VPS13A: variants seen among roughly 807,000 people sequenced by gnomAD.
VPS13A encodes vacuolar protein sorting 13 homolog A.
Under a neutral mutation model 390.9 loss-of-function variants are expected in VPS13A, and 264 were observed. The ratio of observed to expected loss-of-function variants is 0.68; its 90% confidence interval spans 0.61 to 0.75. The LOEUF (loss-of-function observed/expected upper bound fraction) is 0.75. Ranked by LOEUF, VPS13A falls within the 30% of genes least tolerant of loss-of-function variation. The pLI is 0.00. For synonymous variants in VPS13A, 1,231 were observed against 1,227.1 expected (o/e 1.00, Z -0.07); for missense variants, 3,409 against 3,733.9 (o/e 0.91, Z 2.27).
At chr9:77,185,323 G>C (rs988832671) in intron 1 of VPS13A, among the ~76,000 whole-genome samples, 15 of 152,126 alleles carry the variant, frequency 9.9e-5, no homozygotes, top group African/African-American at 3.6e-4. Context: ...TGTATTTTTA[G>C]TAGAGACGGA....
chr9:77,405,851 TTTC>T lies in VPS13A; in HGVS notation c.9276-10_9276-8del, dbSNP rs1383785951. The T allele has an allele frequency of 6.2e-7, 1 of 1,612,824 alleles. No individual in the cohort carries two copies. The highest frequency in any genetic ancestry group is 8.5e-7 in the Non-Finnish European group (1 of 1,179,918). On this transcript the variant is annotated splice_polypyrimidine_tract_variant and intron_variant, in intron 69 of 71. Coordinates refer to ENST00000360280, the MANE Select transcript of VPS13A (RefSeq NM_033305.3). ...TTTTAAAGCGAATTCTTTTTTTGTT[TTTC>T]TTTTTGCAGTGGTGTATTGTTTGTA...
intron 54 of VPS13A, among the ~76,000 whole-genome samples, chr9:77,353,877 A>C (rs1331639430): frequency 6.6e-6 from 1 of 152,090 alleles, no homozygotes; most frequent in Non-Finnish European, 1.5e-5. Context: ...CTTATCTAAA[A>C]AGTTATATTT....
At chr9:77,352,298 A>G (rs1378931675) in intron 53 of VPS13A, among the ~76,000 whole-genome samples, 3 of 152,160 alleles carry the variant, frequency 2.0e-5, no homozygotes, top group East Asian at 1.9e-4. Context: ...TAATCCTTCA[A>G]GATTCATCTT....
chr9:77,210,630 C>A lies in VPS13A; in HGVS notation c.510C>A (p.Asp170Glu). 1 of 1,613,820 alleles carries A rather than the reference C, an allele frequency of 6.2e-7. No individual in the cohort carries two copies. Among genetic ancestry groups the A allele is most frequent in the Non-Finnish European group, 8.5e-7 (1 of 1,179,966 alleles). Residue 170 changes from aspartate (D) to glutamate (E), a missense_variant, in exon 7 of 72, where the codon GAC becomes GAA. By Grantham distance (45) the Asp-to-Glu change is conservative. Coordinates refer to ENST00000360280, the MANE Select transcript of VPS13A (RefSeq NM_033305.3). ...TTCCTCTTTAGATCACAAATCGGGA[C>A]AAACCGCTGTCATTTGGTATTTCCC... ...IRYEDDITNR[D>E]KPLSFGISLQ...
intron 23 of VPS13A, among the ~76,000 whole-genome samples, chr9:77,267,471 G>A (rs1483986973): frequency 4.6e-5 from 7 of 152,192 alleles, no homozygotes. Context: ...TGCAGACCCT[G>A]TTTCCCTGGG....
Position 77,339,942 on chromosome 9 carries a change from T to G in VPS13A, c.6774+31T>G, listed in dbSNP as rs756060788. On this transcript the variant is annotated intron_variant, in intron 48 of 71. Transcript: ENST00000360280. ...CGATGTTTATTCTGTTTTTCCCTTG[T>G]CTTTAGCTACTTGTCACTTTTTAGT... 6.2e-6 allele frequency: 10 copies of G among 1,601,496 alleles called. No individual in the cohort carries two copies. The East Asian group carries it at 2.2e-4, about 36-fold the overall frequency.
intron 42 of VPS13A, among the ~76,000 whole-genome samples, chr9:77,320,778 C>T (rs1434359044): frequency 1.3e-5 from 2 of 151,976 alleles, no homozygotes; most frequent in African/African-American, 4.8e-5. Context: ...TATTGTCTGC[C>T]TTTGTAAGTC....
At position 77,186,873 on chromosome 9, in the gene VPS13A, G is replaced by A. The variant is rs563144035; in HGVS notation, c.100+9069G>A. On this transcript the variant is annotated intron_variant, in intron 1 of 71. Coordinates refer to ENST00000360280, the MANE Select transcript of VPS13A (RefSeq NM_033305.3). ...TCTTGCAAAACTGAACCACTTACCC[G>A]TTAAGCAATGACTACCCATTCCACC... Among the ~76,000 whole-genome samples the A allele has an allele frequency of 5.9e-5, 9 of 152,166 alleles. 1 individual carries two copies. In the South Asian group the frequency reaches 1.2e-3, roughly 21 times the overall value.
chr9:77,410,845 G>A, intron 71 of VPS13A, among the ~76,000 whole-genome samples: 1 of 152,044 alleles, frequency 6.6e-6, no homozygotes, highest in East Asian at 1.9e-4. Context: ...AATAATAATG[G>A]GAGACTTTAA....
intron 69 of VPS13A, among the ~76,000 whole-genome samples, chr9:77,403,874 A>G (rs1471485958): frequency 6.6e-6 from 1 of 152,174 alleles, no homozygotes; most frequent in African/African-American, 2.4e-5. Context: ...CATTAGTAAG[A>G]TGGCAGTCTC....
At chr9:77,361,907 T>A (rs559802258) in intron 59 of VPS13A, among the ~76,000 whole-genome samples, 1 of 152,270 alleles carries the variant, frequency 6.6e-6, no homozygotes, top group East Asian at 1.9e-4. Flanking sequence ...ACTAATGATG[T>A]TGAGCATCTT....
intron 23 of VPS13A, 75 bp downstream of exon 23, chr9:77,260,299 A>T: frequency 6.7e-7 from 1 of 1,494,678 alleles, no homozygotes; most frequent in Non-Finnish European, 9.2e-7. Context: ...AATCACAGGA[A>T]TTTTATATAA....
At chr9:77,302,680 C>T (rs1468817139) in intron 33 of VPS13A, among the ~76,000 whole-genome samples, 2 of 151,896 alleles carry the variant, frequency 1.3e-5, no homozygotes, top group Admixed American at 6.6e-5. Flanking sequence ...AGCTCTATTT[C>T]TGTATAATAT....
Position 77,321,336 on chromosome 9 carries a change from A to G in VPS13A, c.5574+9A>G, listed in dbSNP as rs1384059048. On this transcript the variant is annotated intron_variant, in intron 43 of 71. Transcript: ENST00000360280. ...TAAACAATTTAGTCAAGGTAAGAAA[A>G]GAAATTTGAAACTTTAAATATTGAG... 1 of 1,600,222 alleles carries G rather than the reference A, an allele frequency of 6.2e-7. No homozygotes were observed. The highest frequency in any genetic ancestry group is 1.7e-5 in the Admixed American group (1 of 59,332).
chr9:77,289,724 A>G (rs991444707), intron 31 of VPS13A, among the ~76,000 whole-genome samples: 79 of 151,762 alleles, frequency 5.2e-4, no homozygotes, highest in Admixed American at 2.5e-3. Flanking sequence ...CTCTTTCTGT[A>G]ACTACTTCAT....
intron 24 of VPS13A, among the ~76,000 whole-genome samples, chr9:77,274,901 A>G (rs1456109789): frequency 6.6e-6 from 1 of 152,096 alleles, no homozygotes; most frequent in Non-Finnish European, 1.5e-5. Context: ...CCTAGTTTTA[A>G]TGGTTTTACT....
chr9:77,400,425 T>G lies in VPS13A; in HGVS notation c.9190-2811T>G, dbSNP rs945414501. 4.6e-5 allele frequency among the ~76,000 whole-genome samples: 7 copies of G among 152,088 alleles called. No individual in the cohort carries two copies. In the East Asian group the frequency reaches 1.3e-3, roughly 29 times the overall value. ...TCTGTTATTTTACTTTATTACTGTT[T>G]ATTTGCTTATCGTTTTGCCATTCAG... On this transcript the variant is annotated intron_variant, in intron 68 of 71. Transcript: ENST00000360280.
intron 69 of VPS13A, among the ~76,000 whole-genome samples, chr9:77,404,319 T>G (rs978836353): frequency 6.6e-6 from 1 of 152,182 alleles, no homozygotes; most frequent in Non-Finnish European, 1.5e-5. Context: ...CATTATGTAC[T>G]TAGTTTTAAT....
chr9:77,405,106 TATAGAC>T (rs1012971212), intron 69 of VPS13A, among the ~76,000 whole-genome samples: 28 of 152,174 alleles, frequency 1.8e-4, no homozygotes, highest in African/African-American at 6.0e-4. Context: ...ATAGACTTCT[TATAGAC>T]AGAAGGTATT....
Sources: gnomAD v4.1 joint callset for allele counts (sites outside exome capture counted in the v4.1 genomes callset) on GRCh38, gnomAD v4.1.1 for gene constraint, MANE v1.5 for transcripts, NCBI Gene and HGNC (gene_info 2026-07-23, HGNC 2026-07-21) for gene names.